EYS: variants seen among roughly 807,000 people sequenced by gnomAD.
EYS encodes the protein EGF-like photoreceptor maintenance factor, also known as protein eyes shut homolog.
A neutral mutation model predicts 282.1 loss-of-function variants in EYS; 250 were observed. The ratio of observed to expected loss-of-function variants is 0.89; its 90% CI spans 0.80 to 0.98. The LOEUF (loss-of-function observed/expected upper bound fraction) is 0.98. Among genes scored for constraint, EYS ranks in the 50% least tolerant of loss-of-function variants. EYS has a pLI of 0.00. For synonymous variants in EYS, 1,355 were observed against 1,282.9 expected (o/e 1.06, Z -1.20); for missense variants, 4,016 against 3,709.0 (o/e 1.08, Z -2.15).
At chr6:64,202,918 G>A (rs1309703612) in intron 31 of EYS, among the ~76,000 whole-genome samples, 1 of 152,200 alleles carries the variant, frequency 6.6e-6, no homozygotes, top group African/African-American at 2.4e-5. Context: ...GTGTGGCCAT[G>A]CCAACACTTC....
intron 30 of EYS, among the ~76,000 whole-genome samples, chr6:64,302,366 A>G (rs1239636390): frequency 6.6e-6 from 1 of 152,214 alleles, no homozygotes; most frequent in Non-Finnish European, 1.5e-5. Context: ...CTAATCAGTT[A>G]TGGCAAACAG....
At chr6:65,329,971 A>T (rs1325344410) in intron 11 of EYS, 2 of 979,614 alleles carry the variant, frequency 2.0e-6, no homozygotes, top group Non-Finnish European at 2.4e-6. Flanking sequence ...TACACAGAAA[A>T]TGTGAATCTC....
At chr6:64,940,188 A>ATTT (rs1769043040) in intron 15 of EYS, among the ~76,000 whole-genome samples, 2 of 152,000 alleles carry the variant, frequency 1.3e-5, no homozygotes, top group South Asian at 4.1e-4. Context: ...AGTCCTTTCT[A>ATTT]ACATCCTTTT....
chr6:64,624,653 CAG>C (rs1308176180), intron 23 of EYS, among the ~76,000 whole-genome samples: 1 of 152,132 alleles, frequency 6.6e-6, no homozygotes, highest in Non-Finnish European at 1.5e-5. Flanking sequence ...GTTCAAAAAA[CAG>C]AGTAGGTCTC....
At chr6:65,255,794 T>C (rs1487538640) in intron 12 of EYS, among the ~76,000 whole-genome samples, 1 of 152,018 alleles carries the variant, frequency 6.6e-6, no homozygotes, top group African/African-American at 2.4e-5. Context: ...AAAACCACAA[T>C]GAGATATTAT....
intron 41 of EYS, among the ~76,000 whole-genome samples, chr6:63,732,265 A>G (rs1028373109): frequency 6.6e-6 from 1 of 152,148 alleles, no homozygotes; most frequent in African/African-American, 2.4e-5. Context: ...CTGACATTGT[A>G]TGTTTTGAGA....
At chr6:65,142,403 T>C (rs1475347780) in intron 12 of EYS, among the ~76,000 whole-genome samples, 1 of 151,470 alleles carries the variant, frequency 6.6e-6, no homozygotes, top group Non-Finnish European at 1.5e-5. Context: ...CAGTAGATCT[T>C]TGTTGTGATG....
At chr6:65,366,721 C>T (rs908994145) in intron 8 of EYS, among the ~76,000 whole-genome samples, 3 of 151,510 alleles carry the variant, frequency 2.0e-5, no homozygotes, top group Non-Finnish European at 2.9e-5. Flanking sequence ...TTCCGGAGGT[C>T]GGAAATCTGG....
At chr6:64,469,408 A>C (rs1414758627) in intron 26 of EYS, among the ~76,000 whole-genome samples, 2 of 152,140 alleles carry the variant, frequency 1.3e-5, no homozygotes, top group Non-Finnish European at 2.9e-5. Context: ...AATATAATTA[A>C]TCATTAGTTA....
At chr6:64,354,338 C>T (rs998493050) in intron 29 of EYS, among the ~76,000 whole-genome samples, 6 of 151,536 alleles carry the variant, frequency 4.0e-5, no homozygotes, top group Non-Finnish European at 5.9e-5. Flanking sequence ...CTCCCACAAG[C>T]GCCATCACCA....
intron 22 of EYS, among the ~76,000 whole-genome samples, chr6:64,798,175 G>A (rs999067332): frequency 2.0e-5 from 3 of 151,784 alleles, no homozygotes; most frequent in African/African-American, 7.3e-5. Context: ...AACTTGGAAT[G>A]ATACAAAAGT....
At chr6:65,141,639 CT>C (rs1238958856) in intron 12 of EYS, among the ~76,000 whole-genome samples, 2 of 71,012 alleles carry the variant, frequency 2.8e-5, no homozygotes, top group African/African-American at 1.2e-4. Flanking sequence ...GTCTGTCTGT[CT>C]GTCTGTCTGT....
At chr6:65,464,880 C>A (rs1365335497) in intron 5 of EYS, among the ~76,000 whole-genome samples, 5 of 152,102 alleles carry the variant, frequency 3.3e-5, no homozygotes, top group African/African-American at 1.2e-4. Context: ...TTTGCCATTA[C>A]TCAGTGAAGA....
intron 11 of EYS, among the ~76,000 whole-genome samples, chr6:65,327,133 TA>T (rs1769644258): frequency 6.6e-6 from 1 of 151,768 alleles, no homozygotes; most frequent in Admixed American, 6.6e-5. Context: ...TAAAGCTAAA[TA>T]AAAACTACTT....
rs567330048 is a variant in EYS, at chr6:65,170,495, T to C, written c.2024-112768A>G. ...GACATCCTATGAGTCTAAGTGGTGA[T>C]CTAAATTTCAAAGAATTTATTACAA... On this transcript the variant is annotated intron_variant, in intron 12 of 42. Coordinates refer to ENST00000503581, the MANE Select transcript of EYS (RefSeq NM_001142800.2). 4.9e-4 allele frequency among the ~76,000 whole-genome samples: 75 copies of C among 151,652 alleles called. 1 individual carries two copies. In the South Asian group the frequency reaches 0.015, roughly 31 times the overall value.
At chr6:64,126,142 G>T in intron 31 of EYS, among the ~76,000 whole-genome samples, 1 of 152,044 alleles carries the variant, frequency 6.6e-6, no homozygotes, top group East Asian at 1.9e-4. Context: ...GGAAGACAGT[G>T]TGGTGATTCC....
intron 22 of EYS, among the ~76,000 whole-genome samples, chr6:64,739,169 G>A (rs79702179): frequency 0.016 from 2,382 of 152,228 alleles, 61 homozygotes; most frequent in African/African-American, 0.055. Context: ...CAAGGTAGAT[G>A]GGTTAGTCAT....
At chr6:64,405,670 C>T (rs1649531022) in intron 28 of EYS, among the ~76,000 whole-genome samples, 1 of 152,088 alleles carries the variant, frequency 6.6e-6, no homozygotes, top group African/African-American at 2.4e-5. Context: ...CACAAGCATT[C>T]CTATACACCA....
chr6:65,478,052 C>T (rs968207618), intron 5 of EYS, among the ~76,000 whole-genome samples: 8 of 152,076 alleles, frequency 5.3e-5, no homozygotes, highest in African/African-American at 1.9e-4. Context: ...CTTATATGTG[C>T]TGTAAAATAG....
Sources: gnomAD v4.1 joint callset for allele counts (sites outside exome capture counted in the v4.1 genomes callset) on GRCh38, gnomAD v4.1.1 for gene constraint, MANE v1.5 for transcripts, NCBI Gene and HGNC (gene_info 2026-07-23, HGNC 2026-07-21) for gene names.